The following CNTN1 variants were observed in gnomAD, a reference collection of about 807,000 sequenced individuals.
CNTN1 encodes the protein contactin 1.
A neutral mutation model predicts 126.4 loss-of-function variants in CNTN1; 38 were observed. The ratio of observed to expected loss-of-function variants is 0.30; its 90% confidence interval spans 0.23 to 0.39. The LOEUF is 0.39. Ranked by LOEUF, CNTN1 falls within the 10% of genes least tolerant of loss-of-function variation. CNTN1 has a pLI of 1.00. For missense variants in CNTN1, 1,009 were observed against 1,248.4 expected (o/e 0.81, Z 2.89); for synonymous variants, 413 against 422.6 (o/e 0.98, Z 0.28).
At chr12:40,739,633 T>G (rs1056414739) in intron 1 of CNTN1, among the ~76,000 whole-genome samples, 2 of 152,086 alleles carry the variant, frequency 1.3e-5, no homozygotes, top group African/African-American at 4.8e-5. Context: ...AAACAGAGGC[T>G]TCAGCCATAT....
At chr12:40,739,253 A>C (rs1298969544) in intron 1 of CNTN1, among the ~76,000 whole-genome samples, 1 of 152,028 alleles carries the variant, frequency 6.6e-6, no homozygotes, top group Non-Finnish European at 1.5e-5. Context: ...ATGAGTAAAA[A>C]ACTTGGATAG....
intron 1 of CNTN1, among the ~76,000 whole-genome samples, chr12:40,821,641 G>A (rs1041424411): frequency 6.6e-6 from 1 of 152,058 alleles, no homozygotes; most frequent in African/African-American, 2.4e-5. Flanking sequence ...GCATTTTAAT[G>A]GAACCAGAAA....
intron 1 of CNTN1, among the ~76,000 whole-genome samples, chr12:40,754,830 C>T (rs774725451): frequency 4.1e-4 from 63 of 151,886 alleles, no homozygotes; most frequent in Non-Finnish European, 3.5e-4. Context: ...AACTCTATGC[C>T]TTCTATTAGT....
At chr12:40,965,237 C>T (rs1947263411) in intron 15 of CNTN1, among the ~76,000 whole-genome samples, 1 of 152,098 alleles carries the variant, frequency 6.6e-6, no homozygotes, top group African/African-American at 2.4e-5. Flanking sequence ...AAAGTTCCTA[C>T]CCCTTCATTT....
At chr12:40,824,599 C>A (rs2136534299) in intron 1 of CNTN1, among the ~76,000 whole-genome samples, 1 of 152,154 alleles carries the variant, frequency 6.6e-6, no homozygotes, top group South Asian at 2.1e-4. Flanking sequence ...TTAATTCCCA[C>A]AAAAACCTAA....
chr12:40,928,509 C>T (rs1454266266), intron 6 of CNTN1, among the ~76,000 whole-genome samples: 1 of 151,968 alleles, frequency 6.6e-6, no homozygotes, highest in Non-Finnish European at 1.5e-5. Context: ...AACCGTAATT[C>T]TGAGTTAGAG....
intron 4 of CNTN1, among the ~76,000 whole-genome samples, chr12:40,919,719 A>C (rs1945369914): frequency 6.6e-6 from 1 of 152,156 alleles, no homozygotes; most frequent in African/African-American, 2.4e-5. Context: ...ATAATCACAA[A>C]ATTATTCTTA....
chr12:40,972,568 GTTTAAC>G (rs1029034627), intron 15 of CNTN1: 2 of 764,592 alleles, frequency 2.6e-6, no homozygotes, highest in African/African-American at 3.8e-5. Context: ...TATATATATA[GTTTAAC>G]TTTAAAAATA....
chr12:40,827,548 T>C (rs1941655348), intron 1 of CNTN1, among the ~76,000 whole-genome samples: 1 of 152,200 alleles, frequency 6.6e-6, no homozygotes, highest in African/African-American at 2.4e-5. Context: ...ATTCCTTATA[T>C]CTCACTTATA....
chr12:41,018,039 G>A (rs1267141813), intron 19 of CNTN1, among the ~76,000 whole-genome samples: 2 of 151,378 alleles, frequency 1.3e-5, no homozygotes, highest in South Asian at 2.1e-4. Context: ...GCCGTGAGCC[G>A]AGATCAGGCC....
intron 1 of CNTN1, among the ~76,000 whole-genome samples, chr12:40,901,285 TA>T (rs1374060614): frequency 6.6e-6 from 1 of 152,206 alleles, no homozygotes; most frequent in Non-Finnish European, 1.5e-5. Flanking sequence ...ATCTAGATCA[TA>T]AAAAGGATTT....
intron 1 of CNTN1, among the ~76,000 whole-genome samples, chr12:40,874,325 T>C: frequency 6.6e-6 from 1 of 152,240 alleles, no homozygotes; most frequent in South Asian, 2.1e-4. Context: ...ACTTCAGATA[T>C]ACAAAAACCT....
intron 1 of CNTN1, among the ~76,000 whole-genome samples, chr12:40,738,908 T>TAGAAGATTCATAGGTTCAC (rs1203476788): frequency 2.0e-5 from 3 of 152,190 alleles, no homozygotes; most frequent in African/African-American, 7.2e-5. Context: ...TTTAGTACCA[T>TAGAAGATTCATAGGTTCAC]AGAAGATTCA....
chr12:40,835,173 A>C (rs906673645), intron 1 of CNTN1, among the ~76,000 whole-genome samples: 1 of 152,210 alleles, frequency 6.6e-6, no homozygotes, highest in African/African-American at 2.4e-5. Flanking sequence ...AAAGAAGACC[A>C]TTACAAGTCA....
chr12:41,056,933 A>C (rs1261915078), intron 23 of CNTN1, among the ~76,000 whole-genome samples: 2 of 100,868 alleles, frequency 2.0e-5, no homozygotes, highest in African/African-American at 8.6e-5. Flanking sequence ...TTAGATATTT[A>C]TAAATATTTA....
At chr12:40,922,038 T>A (rs2136870316) in intron 4 of CNTN1, among the ~76,000 whole-genome samples, 1 of 152,342 alleles carries the variant, frequency 6.6e-6, no homozygotes, top group Non-Finnish European at 1.5e-5. Context: ...AAATACGTCA[T>A]GTACTTTGAT....
At chr12:40,890,856 A>T (rs1249151349) in intron 1 of CNTN1, among the ~76,000 whole-genome samples, 2 of 152,108 alleles carry the variant, frequency 1.3e-5, no homozygotes, top group Admixed American at 6.5e-5. Flanking sequence ...CTTTGTGTAA[A>T]TACTAAGGAG....
At position 40,987,002 on chromosome 12, in the gene CNTN1, C is replaced by T. The variant is rs190744940; in HGVS notation, c.1963+5935C>T. ...GTTCTACCAATGATGAATTTTAGTC[C>T]ATTGTGTCTTCACAAACTCAGCTCT... is the stretch of plus-strand genomic sequence containing the variant. On this transcript the variant is annotated intron_variant, in intron 16 of 23. Transcript: ENST00000551295. 5.9e-5 allele frequency among the ~76,000 whole-genome samples: 9 copies of T among 152,168 alleles called. No homozygotes were observed. In the East Asian group the frequency reaches 7.7e-4, roughly 13 times the overall value.
chr12:40,862,175 G>A (rs1001057145), intron 1 of CNTN1, among the ~76,000 whole-genome samples: 3 of 151,718 alleles, frequency 2.0e-5, no homozygotes, highest in Non-Finnish European at 4.4e-5. Flanking sequence ...CTGCATTCCA[G>A]TCTGGGTGAC....
Sources: allele counts gnomAD v4.1 joint callset (sites outside exome capture counted in the v4.1 genomes callset), GRCh38; gene constraint gnomAD v4.1.1; transcripts MANE v1.5; gene names NCBI Gene and HGNC (gene_info 2026-07-23, HGNC 2026-07-21).